The following CELSR2 variants were observed in gnomAD, a reference collection of about 807,000 sequenced individuals.
The protein encoded by CELSR2 is cadherin EGF LAG seven-pass G-type receptor 2.
In CELSR2, 81 loss-of-function variants were observed where a neutral mutation model predicts 251.6. The ratio of observed to expected loss-of-function variants is 0.32; its 90% CI spans 0.27 to 0.39. CELSR2 has a LOEUF of 0.39. Ranked by LOEUF, CELSR2 falls within the 10% of genes least tolerant of loss-of-function variation. CELSR2 has a pLI of 1.00. For synonymous variants in CELSR2, 1,721 were observed against 1,670.5 expected (o/e 1.03, Z -0.74); for missense variants, 3,365 against 3,947.7 (o/e 0.85, Z 3.96).
chr1:109,274,144 C>G lies in CELSR2; in HGVS notation c.*95C>G. ...CTTGTGCTTTATCCTGCCCCGCTCC[C>G]CATCGCCTGCCCGCAGCAGCGACGA... On this transcript the variant is annotated 3_prime_UTR_variant, in exon 34 of 34. Transcript: ENST00000271332. The G allele has an allele frequency of 1.2e-6, 2 of 1,606,156 alleles. No individual in the cohort carries two copies. The highest frequency in any genetic ancestry group is 2.2e-5 in the South Asian group (2 of 90,972).
rs1260268076 is a variant in CELSR2 at position 109,249,895 on chromosome 1, C to T, written c.-185C>T. 23 of 407,666 alleles carry T rather than the reference C, an allele frequency of 5.6e-5. No homozygotes were observed. In the East Asian group the frequency reaches 1.2e-3, roughly 20 times the overall value. 25.3% of individuals were successfully genotyped at this position (407,666 alleles called of 1,614,324 possible). ...TCTGGCTCAGGGGGCAGTGGGAGCC[C>T]GGGCTCGTCGGAGGGTGCAGCGCGG... On this transcript the variant is annotated 5_prime_UTR_variant, in exon 1 of 34. Coordinates refer to ENST00000271332, the MANE Select transcript of CELSR2 (RefSeq NM_001408.3).
rs745890195 is a variant in CELSR2, at chr1:109,269,228, C to A, written c.6750C>A (p.Ile2250=). Reference sequence around the variant, plus strand: ...AGGGTGAGGCTGTGGCCAGCGTCATCATCTACCGCACCCTGGCCGGGCTAC... The same window carrying A: ...AGGGTGAGGCTGTGGCCAGCGTCATAATCTACCGCACCCTGGCCGGGCTAC... ...LSQGEAVASV[I]IYRTLAGLLP... is the part of the protein sequence containing the mutation. The change falls in exon 20 of 34, where the codon ATC becomes ATA. Residue 2250 remains isoleucine (I), a synonymous_variant. Coordinates refer to ENST00000271332, the MANE Select transcript of CELSR2 (RefSeq NM_001408.3). This position sits in a 1 kb window ranked among gnomAD's most constrained non-coding sequence, Gnocchi z 6.4. The A allele has an allele frequency of 3.7e-6, 6 of 1,612,816 alleles. No individual in the cohort carries two copies. Among genetic ancestry groups the A allele is most frequent in the Non-Finnish European group, 5.1e-6 (6 of 1,179,918 alleles).
In CELSR2 at chr1:109,262,392, G is replaced by A; in HGVS notation, c.4492G>A (p.Val1498Ile). 6.2e-7 allele frequency: 1 copy of A among 1,614,212 alleles called. No individual in the cohort carries two copies. The highest frequency in any genetic ancestry group is 8.5e-7 in the Non-Finnish European group (1 of 1,180,046). Reference sequence around the variant, plus strand: ...AGGAGTGGCCTTGCGCTTCGGATCTGTCCTGGGCAACTACTCCTGTGCTGC... The same window carrying A: ...AGGAGTGGCCTTGCGCTTCGGATCTATCCTGGGCAACTACTCCTGTGCTGC... ...DTGVALRFGSVLGNYSCAAQG... is the reference protein window; with the variant it reads ...DTGVALRFGSILGNYSCAAQG... The change falls in exon 6 of 34, where the codon GTC becomes ATC. Residue 1498 changes from valine to isoleucine, a missense_variant. Physicochemically the swap from Val to Ile is conservative, Grantham distance 29. Coordinates refer to ENST00000271332, the MANE Select transcript of CELSR2 (RefSeq NM_001408.3).
chr1:109,250,843 A>G lies in CELSR2; in HGVS notation c.764A>G (p.His255Arg). 1 of 1,614,010 alleles carries G rather than the reference A, an allele frequency of 6.2e-7. No homozygotes were observed. The highest frequency in any genetic ancestry group is 8.5e-7 in the Non-Finnish European group (1 of 1,180,020). The part of the protein sequence containing the change: ...EELDRETKST[H>R]VFRVTAQDHG... ...CTGGATCGTGAGACCAAGAGCACCC[A>G]CGTCTTCAGGGTCACGGCGCAGGAC... Residue 255 changes from histidine to arginine, a missense_variant, in exon 1 of 34, where the codon CAC becomes CGC. Transcript: ENST00000271332. The surrounding 1 kb of genome is among the most constrained non-coding windows in gnomAD (Gnocchi z 4.4).
chr1:109,259,573 G>A (rs904606674), intron 2 of CELSR2, among the ~76,000 whole-genome samples: 7 of 152,184 alleles, frequency 4.6e-5, no homozygotes, highest in Non-Finnish European at 8.8e-5. Flanking sequence ...CATCACACCC[G>A]GTTTAGAGGT....
Position 109,270,266 on chromosome 1 carries a change from T to C in CELSR2, c.7308+133T>C. 3 of 1,272,220 alleles carry C rather than the reference T, an allele frequency of 2.4e-6. No homozygotes were observed. The South Asian group carries it at 4.0e-5, about 17-fold the overall frequency. 78.8% of individuals were successfully genotyped at this position (1,272,220 alleles called of 1,614,324 possible). On this transcript the variant is annotated intron_variant, in intron 23 of 33. Coordinates refer to ENST00000271332, the MANE Select transcript of CELSR2 (RefSeq NM_001408.3). ...GTGCAGCACCTGGCCCAGGGTTTCC[T>C]CTTCTGTGGCTCCCCCGGGATCCCC...
chr1:109,269,394 G>A lies in CELSR2; in HGVS notation c.6813-30G>A. 6.2e-7 allele frequency: 1 copy of A among 1,611,532 alleles called. No homozygotes were observed. Among genetic ancestry groups the A allele is most frequent in the Non-Finnish European group, 8.5e-7 (1 of 1,178,450 alleles). Reference sequence around the variant, plus strand: ...TCTCCCCAGTCATGTGACTGCCGTGGTGACTGTGCACCTGACTGCCCCACA... The same window carrying A: ...TCTCCCCAGTCATGTGACTGCCGTGATGACTGTGCACCTGACTGCCCCACA... On this transcript the variant is annotated intron_variant, in intron 20 of 33. Coordinates refer to ENST00000271332, the MANE Select transcript of CELSR2 (RefSeq NM_001408.3). The surrounding 1 kb of genome is among the most constrained non-coding windows in gnomAD (Gnocchi z 6.4).
intron 1 of CELSR2, among the ~76,000 whole-genome samples, chr1:109,255,479 G>T (rs370308638): frequency 6.6e-6 from 1 of 152,176 alleles, no homozygotes; most frequent in Non-Finnish European, 1.5e-5. Context: ...AATTCTCCTC[G>T]CCTCTTTCTT....
At position 109,264,700 on chromosome 1, in the gene CELSR2, C is replaced by T. The variant is rs1656140411; in HGVS notation, c.5464+72C>T. On this transcript the variant is annotated intron_variant, in intron 11 of 33. Coordinates refer to ENST00000271332, the MANE Select transcript of CELSR2 (RefSeq NM_001408.3). ...GCCACATGCTGGCTCTGCTGTGTGA[C>T]CTGGGGCATGGGGCATCACACCACC... 4 of 1,583,960 alleles carry T rather than the reference C, an allele frequency of 2.5e-6. No homozygotes were observed. The East Asian group carries it at 6.8e-5, about 27-fold the overall frequency.
At position 109,270,916 on chromosome 1, in the gene CELSR2, C is replaced by T; in HGVS notation, c.7484-11C>T. The T allele has an allele frequency of 2.5e-6, 4 of 1,602,196 alleles. No homozygotes were observed. The highest frequency in any genetic ancestry group is 3.4e-6 in the Non-Finnish European group (4 of 1,171,446). On this transcript the variant is annotated splice_polypyrimidine_tract_variant and intron_variant, in intron 24 of 33. Coordinates refer to ENST00000271332, the MANE Select transcript of CELSR2 (RefSeq NM_001408.3). ...ACCCCTCCACTGCTCCCGTCTGTCT[C>T]CATGCTCCAGGGCTAGCCGTGGGCC...
intron 1 of CELSR2, among the ~76,000 whole-genome samples, chr1:109,256,030 CCTCT>C (rs1655832959): frequency 6.6e-6 from 1 of 152,240 alleles, no homozygotes; most frequent in Admixed American, 6.5e-5. Flanking sequence ...TGCCCCCTCT[CCTCT>C]CTTAATCAGT....
intron 1 of CELSR2, among the ~76,000 whole-genome samples, chr1:109,256,800 C>T (rs960029349): frequency 7.9e-5 from 12 of 152,174 alleles, no homozygotes; most frequent in Non-Finnish European, 1.8e-4. Flanking sequence ...GCTGAGATTA[C>T]AGGCACCCAC....
rs371430121 is a variant in CELSR2, at chr1:109,261,836, C to G, written c.4326C>G (p.Phe1442Leu). The G allele has an allele frequency of 1.9e-6, 3 of 1,595,088 alleles. No individual in the cohort carries two copies. The East Asian group carries it at 6.8e-5, about 36-fold the overall frequency. ...AGESTTTVSP[F>L]VPGGVSDGQW... ...AGTCAACCACCACGGTGTCCCCATT[C>G]GTGCCCGGAGGAGTCAGTGATGGCC... Residue 1442 changes from phenylalanine to leucine, a missense_variant, in exon 5 of 34, where the codon TTC becomes TTG. Physicochemically the swap from Phe to Leu is conservative, Grantham distance 22 (BLOSUM62 0). This residue lies in a region of CELSR2 where 2,093 missense variants were observed against 2,382.8 expected (regional missense o/e 0.88). Transcript: ENST00000271332. The surrounding 1 kb of genome is among the most constrained non-coding windows in gnomAD (Gnocchi z 4.8).
intron 2 of CELSR2, among the ~76,000 whole-genome samples, chr1:109,260,201 A>T (rs921791432): frequency 6.6e-6 from 1 of 150,484 alleles, no homozygotes; most frequent in Non-Finnish European, 1.5e-5. Flanking sequence ...GGGTTAGAGC[A>T]GGCGAACAAC....
rs762252861 is a variant in CELSR2 at position 109,251,658 on chromosome 1, G to A, written c.1579G>A (p.Val527Ile). ...SVPLGYLVLH[V>I]QAIDADAGDN... ...CCCCTTAGGCTACCTGGTTCTCCAT[G>A]TCCAGGCTATCGACGCTGATGCTGG... The change falls in exon 1 of 34, where the codon GTC (valine) becomes ATC (isoleucine). Residue 527 changes from valine to isoleucine, a missense_variant. Val to Ile is a conservative substitution (Grantham distance 29). Transcript: ENST00000271332. The surrounding 1 kb of genome is among the most constrained non-coding windows in gnomAD (Gnocchi z 4.9). The A allele has an allele frequency of 3.1e-6, 5 of 1,613,922 alleles. No individual in the cohort carries two copies. The highest frequency in any genetic ancestry group is 4.2e-6 in the Non-Finnish European group (5 of 1,179,896).
In CELSR2 at chr1:109,261,990, T is replaced by A; in HGVS notation, c.4386+94T>A. The A allele has an allele frequency of 7.4e-7, 1 of 1,347,520 alleles. No homozygotes were observed. Among genetic ancestry groups the A allele is most frequent in the Non-Finnish European group, 1.0e-6 (1 of 964,168 alleles). The allele number at this position is 1,347,520 out of a possible 1,614,324, so 83.5% of individuals were successfully genotyped here. A position where few individuals can be genotyped will look rare whatever the true frequency, so the allele number is the denominator to read the frequency against. On this transcript the variant is annotated intron_variant, in intron 5 of 33. Coordinates refer to ENST00000271332, the MANE Select transcript of CELSR2 (RefSeq NM_001408.3). This position sits in a 1 kb window ranked among gnomAD's most constrained non-coding sequence, Gnocchi z 4.8. ...GCATTGCCTCCAGGCTTGGGTGGGC[T>A]GGTCAGGGCATTTCTGGCTGAGAGG...
In CELSR2 at chr1:109,262,959, C is replaced by T. The variant is rs1415895314; in HGVS notation, c.4698C>T (p.Gly1566=). ...TGGCTGACTTCATTGCCAACAATGGCACCGTGCCTGGTATGGGGGCCCGGG... is the reference window on the plus strand; with the variant it reads ...TGGCTGACTTCATTGCCAACAATGGTACCGTGCCTGGTATGGGGGCCCGGG... The part of the protein sequence containing the change: ...IDMADFIANN[G]TVPGCPAKKN... The change falls in exon 7 of 34, where the codon GGC becomes GGT. Residue 1566 remains glycine (G), a synonymous_variant. Transcript: ENST00000271332. 6.2e-7 allele frequency: 1 copy of T among 1,612,826 alleles called. No individual in the cohort carries two copies. Among genetic ancestry groups the T allele is most frequent in the Non-Finnish European group, 8.5e-7 (1 of 1,179,168 alleles).
chr1:109,254,393 C>T (rs1352055084), intron 1 of CELSR2, among the ~76,000 whole-genome samples: 1 of 152,190 alleles, frequency 6.6e-6, no homozygotes, highest in Non-Finnish European at 1.5e-5. Context: ...ACTCCCTGGA[C>T]AGCAGGGCTG....
chr1:109,272,493 G>A, intron 29 of CELSR2, 88 bp downstream of exon 29: 1 of 1,537,708 alleles, frequency 6.5e-7, no homozygotes, highest in Non-Finnish European at 8.9e-7. Context: ...GAGTTGAGGA[G>A]CACACACTGT....
Sources: gnomAD v4.1 joint callset for allele counts (sites outside exome capture counted in the v4.1 genomes callset) on GRCh38, gnomAD v4.1.1 for gene constraint, gnomAD v4.1.1 regional missense constraint, Gnocchi (gnomAD v3.1) non-coding constraint, MANE v1.5 for transcripts, NCBI Gene and HGNC (gene_info 2026-07-23, HGNC 2026-07-21) for gene names.